Variants in PTDSS1 observed in about 807,000 individuals in gnomAD.
PTDSS1 encodes the protein PSS-1.
Under a neutral mutation model 70.5 loss-of-function variants are expected in PTDSS1, and 45 were observed. That is an observed-to-expected ratio of 0.64 (90% confidence interval 0.50 to 0.82). The LOEUF is 0.82. PTDSS1 is among the 40% of genes least tolerant of loss of function. The probability of loss-of-function intolerance (pLI) is 0.00; values close to 1 mark genes in which losing one functional copy is unlikely to be tolerated. For synonymous variants in PTDSS1, 188 were observed against 203.8 expected (o/e 0.92, Z 0.66); for missense variants, 417 against 586.1 (o/e 0.71, Z 2.98).
In PTDSS1 at chr8:96,284,173, G is replaced by A. The variant is rs1304353844; in HGVS notation, c.316+20G>A. On this transcript the variant is annotated intron_variant, in intron 3 of 12. Transcript: ENST00000517309. ...TTTTTGGTGAGTTTATATTAGCAATGTAAAAGGATGTTCTATTTTTTTAAT... is the reference window on the plus strand; with the variant it reads ...TTTTTGGTGAGTTTATATTAGCAATATAAAAGGATGTTCTATTTTTTTAAT... The A allele has an allele frequency of 1.3e-6, 2 of 1,578,988 alleles. No homozygotes were observed. Among genetic ancestry groups the A allele is most frequent in the Admixed American group, 1.7e-5 (1 of 58,414 alleles).
chr8:96,303,997 G>T (rs567600136), intron 6 of PTDSS1, 43 bp from the exon 7 acceptor site: 6 of 1,564,764 alleles, frequency 3.8e-6, no homozygotes, highest in South Asian at 3.5e-5. Flanking sequence ...TTTTCCCCCT[G>T]CCTTATCTCT....
At chr8:96,313,672 G>C (rs539454204) in intron 9 of PTDSS1, among the ~76,000 whole-genome samples, 1 of 152,228 alleles carries the variant, frequency 6.6e-6, no homozygotes, top group African/African-American at 2.4e-5. Context: ...CTGCCTGAGG[G>C]CCCAGGGCTG....
At position 96,299,928 on chromosome 8, in the gene PTDSS1, G is replaced by A. The variant is rs1811028663; in HGVS notation, c.752+83G>A. 4 of 1,430,388 alleles carry A rather than the reference G, an allele frequency of 2.8e-6. No homozygotes were observed. The Admixed American group carries it at 9.7e-5, about 35-fold the overall frequency. 88.6% of individuals were successfully genotyped at this position (1,430,388 alleles called of 1,614,324 possible). A position where few individuals can be genotyped will look rare whatever the true frequency, so the allele number is the denominator to read the frequency against. On this transcript the variant is annotated intron_variant, in intron 6 of 12. Transcript: ENST00000517309. Reference sequence around the variant, plus strand: ...TTTTGGTAGGAATCCATTTTAGTATGATCTTTGATGATAAGGAATAAATTC... The same window carrying A: ...TTTTGGTAGGAATCCATTTTAGTATAATCTTTGATGATAAGGAATAAATTC...
chr8:96,275,068 C>T (rs1329403661), intron 2 of PTDSS1, among the ~76,000 whole-genome samples: 1 of 152,006 alleles, frequency 6.6e-6, no homozygotes, highest in South Asian at 2.1e-4. Context: ...ACAATTATCA[C>T]GGTATGAAGA....
At position 96,302,451 on chromosome 8, in the gene PTDSS1, G is replaced by T. The variant is rs921703415; in HGVS notation, c.753-1589G>T. Among the ~76,000 whole-genome samples, 3 of 152,300 alleles carry T rather than the reference G, an allele frequency of 2.0e-5. No individual in the cohort carries two copies. The South Asian group carries it at 6.2e-4, about 32-fold the overall frequency. ...TTTGAGCCTTGAATCAGTCCTGAGG[G>T]TAGACACTGTTATTCTCTTCAGTTT... On this transcript the variant is annotated intron_variant, in intron 6 of 12. Coordinates refer to ENST00000517309, the MANE Select transcript of PTDSS1 (RefSeq NM_014754.3).
At chr8:96,315,909 C>T (rs1811281523) in intron 9 of PTDSS1, among the ~76,000 whole-genome samples, 1 of 152,020 alleles carries the variant, frequency 6.6e-6, no homozygotes, top group Non-Finnish European at 1.5e-5. Flanking sequence ...ACCCCAGCAC[C>T]CCTGGGGGTG....
chr8:96,322,260 G>T (rs1811382590), intron 10 of PTDSS1, among the ~76,000 whole-genome samples: 1 of 152,152 alleles, frequency 6.6e-6, no homozygotes, highest in African/African-American at 2.4e-5. Flanking sequence ...TCCATTTTCT[G>T]TTGCTATAAC....
intron 5 of PTDSS1, 144 bp from the exon 6 acceptor site, chr8:96,299,550 G>C: frequency 1.2e-6 from 1 of 867,652 alleles, no homozygotes; most frequent in Non-Finnish European, 1.7e-6. Flanking sequence ...ACCTGTTACT[G>C]TTGGTTATTT....
chr8:96,272,833 A>G (rs1203960866), intron 1 of PTDSS1, among the ~76,000 whole-genome samples: 1 of 152,188 alleles, frequency 6.6e-6, no homozygotes, highest in Non-Finnish European at 1.5e-5. Flanking sequence ...CTGAATGAGG[A>G]CATTGTGTGC....
intron 9 of PTDSS1, 42 bp downstream of exon 9, chr8:96,309,664 C>T: frequency 1.3e-6 from 2 of 1,598,228 alleles, no homozygotes; most frequent in Non-Finnish European, 1.7e-6. Context: ...ACCACTTAAG[C>T]CCTAATTTTA....
At chr8:96,296,220 G>T (rs1487678003) in intron 5 of PTDSS1, among the ~76,000 whole-genome samples, 10 of 136,094 alleles carry the variant, frequency 7.3e-5, no homozygotes, top group African/African-American at 2.2e-4. Flanking sequence ...CTCACTGCAA[G>T]CTCCGCCTCC....
intron 4 of PTDSS1, among the ~76,000 whole-genome samples, chr8:96,290,532 C>T (rs901972588): frequency 1.3e-5 from 2 of 152,198 alleles, no homozygotes; most frequent in African/African-American, 4.8e-5. Flanking sequence ...CTAAATCTTT[C>T]TTGCCAAAGT....
At chr8:96,297,471 C>T (rs1193119437) in intron 5 of PTDSS1, among the ~76,000 whole-genome samples, 1 of 152,184 alleles carries the variant, frequency 6.6e-6, no homozygotes, top group Non-Finnish European at 1.5e-5. Flanking sequence ...AACCACCGTA[C>T]CAGGCCTCCA....
intron 1 of PTDSS1, among the ~76,000 whole-genome samples, chr8:96,263,090 T>G (rs1369234745): frequency 6.6e-6 from 1 of 152,170 alleles, no homozygotes; most frequent in Non-Finnish European, 1.5e-5. Flanking sequence ...ATGAAACACA[T>G]AAACCTCACA....
At chr8:96,292,007 A>T (rs551959602) in intron 4 of PTDSS1, among the ~76,000 whole-genome samples, 5 of 152,132 alleles carry the variant, frequency 3.3e-5, no homozygotes, top group African/African-American at 1.2e-4. Context: ...GGGGCTGAGC[A>T]TGGTGGCTCA....
chr8:96,283,653 G>A lies in PTDSS1; in HGVS notation c.272-456G>A, dbSNP rs116938679. On this transcript the variant is annotated intron_variant, in intron 2 of 12. Transcript: ENST00000517309. ...CACACACCCACACATGTGCACACACGTACACACACGCATGCACCCACATGC... is the reference window on the plus strand; with the variant it reads ...CACACACCCACACATGTGCACACACATACACACACGCATGCACCCACATGC... The A allele has an allele frequency of 4.1e-3, 648 of 157,428 alleles. 2 individuals are homozygous for A. The highest frequency in any genetic ancestry group is 7.1e-3 in the Non-Finnish European group (508 of 72,040). 9.8% of individuals were successfully genotyped at this position (157,428 alleles called of 1,614,324 possible). A position where few individuals can be genotyped will look rare whatever the true frequency, so the allele number is the denominator to read the frequency against.
At chr8:96,301,765 C>T (rs900219684) in intron 6 of PTDSS1, among the ~76,000 whole-genome samples, 1 of 152,024 alleles carries the variant, frequency 6.6e-6, no homozygotes, top group African/African-American at 2.4e-5. Context: ...ATCCGCCCGC[C>T]TCAGCCTCCC....
intron 10 of PTDSS1, among the ~76,000 whole-genome samples, chr8:96,326,262 C>G (rs777336675): frequency 5.3e-5 from 8 of 152,200 alleles, no homozygotes; most frequent in Non-Finnish European, 1.2e-4. Context: ...CATATGACCC[C>G]CATGAAATAT....
intron 10 of PTDSS1, among the ~76,000 whole-genome samples, chr8:96,329,155 T>A (rs992896915): frequency 6.6e-6 from 1 of 152,138 alleles, no homozygotes; most frequent in Non-Finnish European, 1.5e-5. Context: ...TCCCCACAGT[T>A]GGTGCAAGAT....
Sources: gnomAD v4.1 joint callset for allele counts (sites outside exome capture counted in the v4.1 genomes callset) on GRCh38, gnomAD v4.1.1 for gene constraint, MANE v1.5 for transcripts, NCBI Gene and HGNC (gene_info 2026-07-23, HGNC 2026-07-21) for gene names.